The following CATSPERE variants were observed in gnomAD, a reference collection of about 807,000 sequenced individuals.
CATSPERE encodes cation channel sperm-associated auxiliary subunit epsilon.
A neutral mutation model predicts 114.1 loss-of-function variants in CATSPERE; 93 were observed. The ratio of observed to expected loss-of-function variants is 0.81; its 90% CI spans 0.69 to 0.97. The LOEUF is 0.97. CATSPERE is among the 50% of genes least tolerant of loss of function. The pLI, the probability that CATSPERE is intolerant of heterozygous loss-of-function variation, is 0.00. For synonymous variants in CATSPERE, 341 were observed against 384.1 expected (o/e 0.89, Z 1.31); for missense variants, 1,058 against 1,131.6 (o/e 0.93, Z 0.93).
intron 2 of CATSPERE, among the ~76,000 whole-genome samples, chr1:244,474,917 A>G (rs1669067442): frequency 6.6e-6 from 1 of 150,660 alleles, no homozygotes; most frequent in Non-Finnish European, 1.5e-5. Flanking sequence ...CTAATTTTTT[A>G]ATTTTTTATA....
chr1:244,557,361 A>T (rs56196634), intron 9 of CATSPERE, among the ~76,000 whole-genome samples: 19,912 of 150,504 alleles, frequency 0.13, 2,382 homozygotes, highest in African/African-American at 0.32. Flanking sequence ...TTCCAATTTA[A>T]GAATATGAGA....
intron 8 of CATSPERE, among the ~76,000 whole-genome samples, chr1:244,521,593 AT>A (rs1677581374): frequency 6.6e-6 from 1 of 152,278 alleles, no homozygotes; most frequent in South Asian, 2.1e-4. Context: ...AATAAAATAA[AT>A]TTTTTTAACC....
At chr1:244,491,142 A>G (rs1672069216) in intron 6 of CATSPERE, among the ~76,000 whole-genome samples, 1 of 151,950 alleles carries the variant, frequency 6.6e-6, no homozygotes, top group Non-Finnish European at 1.5e-5. Context: ...CAGAATATAC[A>G]TTTTTTTCAG....
chr1:244,525,329 G>C (rs565093615), intron 8 of CATSPERE, among the ~76,000 whole-genome samples: 11 of 131,138 alleles, frequency 8.4e-5, no homozygotes, highest in Middle Eastern at 9.1e-3. Flanking sequence ...TCACACTCTG[G>C]GGACTCTTTT....
intron 5 of CATSPERE, 39 bp downstream of exon 5, chr1:244,479,823 A>C: frequency 8.7e-7 from 1 of 1,155,616 alleles, no homozygotes; most frequent in Non-Finnish European, 1.2e-6. Flanking sequence ...TATGCTTTTA[A>C]AGAGTATTTA....
At chr1:244,603,481 A>G (rs550868524) in intron 17 of CATSPERE, among the ~76,000 whole-genome samples, 1 of 152,298 alleles carries the variant, frequency 6.6e-6, no homozygotes, top group African/African-American at 2.4e-5. Context: ...CATTCATGAA[A>G]ATAAGCCATG....
At chr1:244,567,445 C>T (rs1283367497) in intron 10 of CATSPERE, among the ~76,000 whole-genome samples, 2 of 152,158 alleles carry the variant, frequency 1.3e-5, no homozygotes, top group Non-Finnish European at 2.9e-5. Context: ...GAGTGTTTTC[C>T]AACTTGGTTC....
chr1:244,523,385 G>C (rs1677947542), intron 8 of CATSPERE, among the ~76,000 whole-genome samples: 1 of 142,742 alleles, frequency 7.0e-6, no homozygotes, highest in South Asian at 2.1e-4. Flanking sequence ...ATATCATACT[G>C]AATGGGCAAA....
chr1:244,638,670 C>T (rs556762159), intron 21 of CATSPERE, among the ~76,000 whole-genome samples: 9 of 152,314 alleles, frequency 5.9e-5, no homozygotes, highest in African/African-American at 1.2e-4. Context: ...TCTTATCACA[C>T]GCTCCCCTAT....
At chr1:244,498,411 G>T (rs1348960051) in intron 6 of CATSPERE, among the ~76,000 whole-genome samples, 3 of 152,150 alleles carry the variant, frequency 2.0e-5, no homozygotes, top group African/African-American at 7.2e-5. Flanking sequence ...AGTACAGGGT[G>T]GGAGAGACAG....
upstream of CATSPERE, among the ~76,000 whole-genome samples, chr1:244,453,378 T>A (rs1238409303): frequency 6.6e-6 from 1 of 152,246 alleles, no homozygotes; most frequent in African/African-American, 2.4e-5. Context: ...TGAGTAATAA[T>A]AAAACTCTGG....
chr1:244,604,731 C>T (rs1173802578), intron 17 of CATSPERE, among the ~76,000 whole-genome samples: 1 of 152,234 alleles, frequency 6.6e-6, no homozygotes, highest in East Asian at 1.9e-4. Flanking sequence ...TGTAACCATT[C>T]TTACGGTCAC....
chr1:244,591,942 A>G (rs530541751), intron 15 of CATSPERE, among the ~76,000 whole-genome samples: 1 of 152,366 alleles, frequency 6.6e-6, no homozygotes, highest in African/African-American at 2.4e-5. Flanking sequence ...ATTTAATTGG[A>G]TAAGCAAAGC....
At chr1:244,523,211 T>A (rs1349237139) in intron 8 of CATSPERE, among the ~76,000 whole-genome samples, 2 of 149,422 alleles carry the variant, frequency 1.3e-5, no homozygotes, top group African/African-American at 5.1e-5. Flanking sequence ...TAATCCAGCA[T>A]ATAAACAGAA....
intron 8 of CATSPERE, among the ~76,000 whole-genome samples, chr1:244,528,224 C>T (rs3003261): frequency 0.13 from 19,582 of 152,192 alleles, 2,194 homozygotes; most frequent in African/African-American, 0.3. Flanking sequence ...CAGTGTTTGG[C>T]TTTCTGTTCC....
chr1:244,608,284 G>T (rs1472620054), intron 18 of CATSPERE, among the ~76,000 whole-genome samples: 3 of 152,104 alleles, frequency 2.0e-5, no homozygotes, highest in Admixed American at 6.6e-5. Context: ...TATAATCCCA[G>T]CACTTTGGGA....
chr1:244,604,557 G>A (rs780667776), intron 17 of CATSPERE, among the ~76,000 whole-genome samples: 1 of 152,200 alleles, frequency 6.6e-6, no homozygotes, highest in Non-Finnish European at 1.5e-5. Context: ...AGCAGTGAGT[G>A]CAGCAAGAAG....
intron 5 of CATSPERE, among the ~76,000 whole-genome samples, chr1:244,490,113 T>TA (rs1224851684): frequency 6.6e-6 from 1 of 152,186 alleles, no homozygotes; most frequent in African/African-American, 2.4e-5. Flanking sequence ...TGCTTTTTGT[T>TA]AAAATCATAT....
intron 20 of CATSPERE, among the ~76,000 whole-genome samples, chr1:244,621,041 TATATATATAA>T (rs1222855368): frequency 0.038 from 2,709 of 71,138 alleles, 392 homozygotes; most frequent in African/African-American, 0.15. Context: ...ATATATAAAA[TATATATATAA>T]ATATATATAA....
Sources: allele counts gnomAD v4.1 joint callset (sites outside exome capture counted in the v4.1 genomes callset), GRCh38; gene constraint gnomAD v4.1.1; transcripts MANE v1.5; gene names NCBI Gene and HGNC (gene_info 2026-07-23, HGNC 2026-07-21).